SPDYA: variants seen among roughly 807,000 people sequenced by gnomAD.
SPDYA encodes the protein speedy protein A.
Under a neutral mutation model 36.7 loss-of-function variants are expected in SPDYA, and 11 were observed. The observed-to-expected ratio is 0.30, with a 90% CI of 0.19 to 0.50. The LOEUF (loss-of-function observed/expected upper bound fraction) is 0.50, where lower values mean the gene tolerates loss of function less well. Among genes scored for constraint, SPDYA ranks in the 20% least tolerant of loss-of-function variants. SPDYA has a pLI of 0.98. For missense variants in SPDYA, 287 were observed against 370.9 expected (o/e 0.77, Z 1.86); for synonymous variants, 115 against 118.7 (o/e 0.97, Z 0.20).
chr2:28,842,630 G>C (rs1668776339), intron 7 of SPDYA, among the ~76,000 whole-genome samples: 1 of 152,164 alleles, frequency 6.6e-6, no homozygotes, highest in African/African-American at 2.4e-5. Context: ...GAAGGAACAA[G>C]TATTTACCCA....
At position 28,840,264 on chromosome 2, in the gene SPDYA, T is replaced by A; in HGVS notation, c.645T>A (p.Val215=). The change falls in exon 7 of 8, where the codon GTT becomes GTA. Residue 215 remains valine (V), a synonymous_variant. Coordinates refer to ENST00000334056, the MANE Select transcript of SPDYA (RefSeq NM_182756.4). ...GAVRNYNRDE[V]QLPRGPSATP... Reference sequence around the variant, plus strand: ...TCAGAAACTACAACAGAGATGAAGTTCAGCTGCCCCGGGGACCTAGTGCCA... The same window carrying A: ...TCAGAAACTACAACAGAGATGAAGTACAGCTGCCCCGGGGACCTAGTGCCA... The A allele has an allele frequency of 6.2e-7, 1 of 1,613,854 alleles. No homozygotes were observed. The highest frequency in any genetic ancestry group is 8.5e-7 in the Non-Finnish European group (1 of 1,179,956).
rs36004797 is a variant in SPDYA at position 28,832,843 on chromosome 2, CTT to C, written c.552+3537_552+3538del. Among the ~76,000 whole-genome samples the C allele has an allele frequency of 1.0e-2, 1,305 of 130,994 alleles. 7 individuals are homozygous for C. The highest frequency in any genetic ancestry group is 0.015 in the Non-Finnish European group (928 of 63,188). The allele number at this position is 130,994 out of a possible 152,430, so 85.9% of individuals were successfully genotyped here. On this transcript the variant is annotated intron_variant, in intron 6 of 7. Coordinates refer to ENST00000334056, the MANE Select transcript of SPDYA (RefSeq NM_182756.4). ...TCCAAATAGTCTCTCCCACCCCCAC[CTT>C]TTTTTTTTTTTTAAAGACAGGGTCT...
chr2:28,813,117 G>T (rs1176965139), intron 1 of SPDYA, among the ~76,000 whole-genome samples: 1 of 152,104 alleles, frequency 6.6e-6, no homozygotes, highest in East Asian at 1.9e-4. Flanking sequence ...CTTGTTGTAT[G>T]TACCTTTTCT....
At chr2:28,826,674 G>C (rs907205701) in intron 5 of SPDYA, among the ~76,000 whole-genome samples, 1 of 124,018 alleles carries the variant, frequency 8.1e-6, no homozygotes, top group Non-Finnish European at 1.6e-5. Flanking sequence ...GAGTGCAGTG[G>C]TGTGATCTCA....
intron 5 of SPDYA, among the ~76,000 whole-genome samples, chr2:28,827,205 G>C (rs1004584207): frequency 5.9e-5 from 9 of 151,946 alleles, no homozygotes; most frequent in Non-Finnish European, 1.0e-4. Context: ...CTCCCAAAGT[G>C]CTGGGATTAC....
At chr2:28,836,290 T>A (rs542466788) in intron 6 of SPDYA, among the ~76,000 whole-genome samples, 1 of 152,310 alleles carries the variant, frequency 6.6e-6, no homozygotes, top group South Asian at 2.1e-4. Context: ...AGCCTCCATA[T>A]AAACCTCTCA....
chr2:28,837,627 A>G (rs904485200), intron 6 of SPDYA, among the ~76,000 whole-genome samples: 1 of 152,204 alleles, frequency 6.6e-6, no homozygotes, highest in East Asian at 1.9e-4. Flanking sequence ...CTAGCTAGGT[A>G]ATCCCAGATA....
chr2:28,831,030 A>C (rs1668468236), intron 6 of SPDYA, among the ~76,000 whole-genome samples: 1 of 152,194 alleles, frequency 6.6e-6, no homozygotes, highest in Non-Finnish European at 1.5e-5. Context: ...CACTTAGTAA[A>C]TACATACCAG....
At chr2:28,827,643 T>G (rs1668365380) in intron 5 of SPDYA, among the ~76,000 whole-genome samples, 1 of 151,516 alleles carries the variant, frequency 6.6e-6, no homozygotes, top group Admixed American at 6.6e-5. Context: ...TATCTAATGG[T>G]TTTTTTTTCT....
chr2:28,847,507 C>T (rs112265075), intron 7 of SPDYA, among the ~76,000 whole-genome samples: 14,147 of 151,184 alleles, frequency 0.094, 947 homozygotes, highest in Middle Eastern at 0.2. Flanking sequence ...TGTGGGAGGC[C>T]GAGGCAGGTG....
intron 5 of SPDYA, among the ~76,000 whole-genome samples, chr2:28,823,384 A>G (rs905189268): frequency 2.0e-5 from 3 of 152,010 alleles, no homozygotes; most frequent in African/African-American, 7.2e-5. Flanking sequence ...ACACTTTGGG[A>G]GGCCGAGGCG....
rs372023314 is a variant in SPDYA, at chr2:28,816,269, A to C, written c.235+20A>C. On this transcript the variant is annotated intron_variant, in intron 3 of 7. Transcript: ENST00000334056. ...TATTTGGTAGGTTTAAAATATTGTA[A>C]TAGTGGTAATTATAAAGTACTAAAA... 1 of 1,516,844 alleles carries C rather than the reference A, an allele frequency of 6.6e-7. No homozygotes were observed. Among genetic ancestry groups the C allele is most frequent in the Non-Finnish European group, 9.0e-7 (1 of 1,114,772 alleles). 94.0% of individuals were successfully genotyped at this position (1,516,844 alleles called of 1,614,324 possible). A position where few individuals can be genotyped will look rare whatever the true frequency, so the allele number is the denominator to read the frequency against.
rs543797870 is a variant in SPDYA at position 28,815,979 on chromosome 2, T to A, written c.-18-18T>A. On this transcript the variant is annotated intron_variant, in intron 2 of 7. Transcript: ENST00000334056. ...AATGAATGTGTGTGATGAATAATTGTATGTTTTATTTTTACAGGAATATTG... is the reference window on the plus strand; with the variant it reads ...AATGAATGTGTGTGATGAATAATTGAATGTTTTATTTTTACAGGAATATTG... The A allele has an allele frequency of 8.7e-6, 13 of 1,498,200 alleles. No homozygotes were observed. Among genetic ancestry groups the A allele is most frequent in the African/African-American group, 8.3e-5 (6 of 72,074 alleles). 92.8% of individuals were successfully genotyped at this position (1,498,200 alleles called of 1,614,324 possible).
chr2:28,843,121 T>C (rs896502319), intron 7 of SPDYA, among the ~76,000 whole-genome samples: 10 of 152,238 alleles, frequency 6.6e-5, no homozygotes, highest in African/African-American at 2.4e-4. Flanking sequence ...TAAAGACATG[T>C]TTTCCTACCT....
intron 1 of SPDYA, among the ~76,000 whole-genome samples, chr2:28,812,857 C>CAAAAAAA (rs70956047): frequency 1.2e-4 from 10 of 84,036 alleles, no homozygotes; most frequent in African/African-American, 4.5e-4. Flanking sequence ...AACTCCGTCT[C>CAAAAAAA]AAAAAAAAAA....
At chr2:28,827,468 A>G (rs1668359774) in intron 5 of SPDYA, among the ~76,000 whole-genome samples, 1 of 152,074 alleles carries the variant, frequency 6.6e-6, no homozygotes, top group South Asian at 2.1e-4. Flanking sequence ...TGTCTGTTCC[A>G]TTACTTTCAG....
At chr2:28,836,112 T>C (rs1233274909) in intron 6 of SPDYA, among the ~76,000 whole-genome samples, 1 of 152,240 alleles carries the variant, frequency 6.6e-6, no homozygotes, top group East Asian at 1.9e-4. Flanking sequence ...TTACAAATTA[T>C]GACTTTTACA....
chr2:28,824,223 A>G (rs1668256196), intron 5 of SPDYA, among the ~76,000 whole-genome samples: 1 of 151,986 alleles, frequency 6.6e-6, no homozygotes, highest in Non-Finnish European at 1.5e-5. Flanking sequence ...TACGCCTGTA[A>G]TCCCAGCACT....
At chr2:28,815,892 G>GTAA (rs1208467239) in intron 2 of SPDYA, 105 bp from the exon 3 acceptor site, 2 of 725,662 alleles carry the variant, frequency 2.8e-6, no homozygotes, top group Non-Finnish European at 4.3e-6. Context: ...TTAATGGCAA[G>GTAA]TTTAGTAACA....
Sources: allele counts gnomAD v4.1 joint callset (sites outside exome capture counted in the v4.1 genomes callset), GRCh38; gene constraint gnomAD v4.1.1; transcripts MANE v1.5; gene names NCBI Gene and HGNC (gene_info 2026-07-23, HGNC 2026-07-21).